SGCD: variants seen among roughly 807,000 people sequenced by gnomAD.
The protein encoded by SGCD is delta-sarcoglycan.
Under a neutral mutation model 36.6 loss-of-function variants are expected in SGCD, and 18 were observed. That is an observed-to-expected ratio of 0.49 (90% CI 0.34 to 0.73). The LOEUF is 0.73. SGCD is among the 30% of genes least tolerant of loss of function. The pLI is 0.01. For missense variants in SGCD, 387 were observed against 346.7 expected (o/e 1.12, Z -0.92); for synonymous variants, 133 against 130.6 (o/e 1.02, Z -0.12).
intron 1 of SGCD, among the ~76,000 whole-genome samples, chr5:156,056,654 A>AAAAAAAAAAAAAAAAAAAAAAAAAAAAC (rs1209421786): frequency 7.3e-6 from 1 of 137,832 alleles, no homozygotes; most frequent in African/African-American, 2.8e-5. Context: ...TTAAAAAAAA[A>AAAAAAAAAAAAAAAAAAAAAAAAAAAAC]AAAAAAAAAA....
At chr5:155,911,013 T>C (rs1466884672) in intron 1 of SGCD, among the ~76,000 whole-genome samples, 1 of 152,122 alleles carries the variant, frequency 6.6e-6, no homozygotes, top group African/African-American at 2.4e-5. Flanking sequence ...GTGACTCTCA[T>C]TTCAAAGACG....
Position 156,727,352 on chromosome 5 carries a change from A to G in SGCD, c.576-30229A>G, listed in dbSNP as rs567193352. On this transcript the variant is annotated intron_variant, in intron 7 of 8. Transcript: ENST00000337851. ...GGAGTTATTTCTAAAGCTGGATTTT[A>G]CAAGGAGTGGGGAAAAGAGGCATAA... is the stretch of plus-strand genomic sequence containing the variant. Among the ~76,000 whole-genome samples, 3 of 152,324 alleles carry G rather than the reference A, an allele frequency of 2.0e-5. No individual in the cohort carries two copies. In the South Asian group the frequency reaches 6.2e-4, roughly 32 times the overall value.
At chr5:156,346,282 ATTTT>A (rs1236084631) in intron 3 of SGCD, among the ~76,000 whole-genome samples, 2 of 151,992 alleles carry the variant, frequency 1.3e-5, no homozygotes, top group Non-Finnish European at 2.9e-5. Flanking sequence ...TTCTAAAAAA[ATTTT>A]TCTTTCTTTA....
intron 3 of SGCD, among the ~76,000 whole-genome samples, chr5:156,280,628 A>AT (rs1399050141): frequency 3.3e-5 from 5 of 152,176 alleles, no homozygotes; most frequent in African/African-American, 4.8e-5. Context: ...TCCACTGGAT[A>AT]TTTACAGTTG....
intron 3 of SGCD, among the ~76,000 whole-genome samples, chr5:156,381,978 GT>G (rs1771008373): frequency 6.6e-6 from 1 of 152,120 alleles, no homozygotes; most frequent in African/African-American, 2.4e-5. Flanking sequence ...GTCAATGTAT[GT>G]TTTTATTATT....
rs563067376 is a variant in SGCD, at chr5:156,332,918, C to G, written c.3+3339C>G. 7.2e-4 allele frequency among the ~76,000 whole-genome samples: 109 copies of G among 152,238 alleles called. 1 individual carries two copies. Among genetic ancestry groups the G allele is most frequent in the African/African-American group, 2.5e-3 (105 of 41,528 alleles). On this transcript the variant is annotated intron_variant, in intron 2 of 8. Transcript: ENST00000337851. ...TTGTAAAACTCATTGGGCTATGTAGCTAATATCTGTTTGTTTTACTAGAAG... is the reference window on the plus strand; with the variant it reads ...TTGTAAAACTCATTGGGCTATGTAGGTAATATCTGTTTGTTTTACTAGAAG...
chr5:156,530,459 C>A (rs1581124042), intron 4 of SGCD, among the ~76,000 whole-genome samples: 1 of 152,164 alleles, frequency 6.6e-6, no homozygotes, highest in South Asian at 2.1e-4. Context: ...AAGCCAAAGT[C>A]TTTCACTTAT....
At chr5:155,996,379 G>A (rs905510346) in intron 1 of SGCD, among the ~76,000 whole-genome samples, 1 of 152,140 alleles carries the variant, frequency 6.6e-6, no homozygotes, top group African/African-American at 2.4e-5. Flanking sequence ...TCAGTGACAA[G>A]AAACGGGTTC....
intron 3 of SGCD, among the ~76,000 whole-genome samples, chr5:156,490,200 C>T (rs983232894): frequency 5.3e-5 from 8 of 151,914 alleles, no homozygotes; most frequent in African/African-American, 1.9e-4. Flanking sequence ...TGAGTAATGA[C>T]ATTGAATCAG....
At chr5:155,829,714 C>T in the SGCD span, among the ~76,000 whole-genome samples, 1 of 152,254 alleles carries the variant, frequency 6.6e-6, no homozygotes, top group South Asian at 2.1e-4. Flanking sequence ...CTTTACGTTT[C>T]CATTGATCAT....
intron 3 of SGCD, among the ~76,000 whole-genome samples, chr5:156,256,787 G>A (rs1232233266): frequency 1.3e-5 from 2 of 152,140 alleles, no homozygotes; most frequent in African/African-American, 4.8e-5. Context: ...TATTGCAGGA[G>A]GTTCTCAAGG....
At position 156,764,325 on chromosome 5, in the gene SGCD, C is replaced by T. The variant is rs1029399512; in HGVS notation, c.*4935C>T. The T allele has an allele frequency of 2.0e-5, 3 of 152,506 alleles. No individual in the cohort carries two copies. The highest frequency in any genetic ancestry group is 2.9e-5 in the Non-Finnish European group (2 of 68,012). 9.4% of individuals were successfully genotyped at this position (152,506 alleles called of 1,614,324 possible). A position where few individuals can be genotyped will look rare whatever the true frequency, so the allele number is the denominator to read the frequency against. The stretch of plus-strand genomic sequence containing the variant: ...GATGCCTCTCTTTCTTTGTGGTAAT[C>T]GGAATTTAAAATTATACAGTTGCCT... On this transcript the variant is annotated 3_prime_UTR_variant, in exon 9 of 9. Transcript: ENST00000337851.
intron 1 of SGCD, among the ~76,000 whole-genome samples, chr5:156,094,106 G>A (rs950450591): frequency 1.3e-5 from 2 of 152,132 alleles, no homozygotes; most frequent in Admixed American, 6.5e-5. Flanking sequence ...CTCCTTCTAG[G>A]TCTGGCTCCT....
chr5:156,570,782 G>T (rs567882071), intron 4 of SGCD, among the ~76,000 whole-genome samples: 1 of 152,150 alleles, frequency 6.6e-6, no homozygotes, highest in South Asian at 2.1e-4. Context: ...TATCTTTCCT[G>T]ATCCTTTCCT....
At chr5:155,912,428 AT>A (rs1034254410) in intron 1 of SGCD, among the ~76,000 whole-genome samples, 1 of 152,086 alleles carries the variant, frequency 6.6e-6, no homozygotes, top group East Asian at 1.9e-4. Context: ...TCTTTTAATG[AT>A]TTGTGCTTCC....
chr5:156,743,693 AAT>A (rs2113100777), intron 7 of SGCD, among the ~76,000 whole-genome samples: 1 of 152,348 alleles, frequency 6.6e-6, no homozygotes, highest in African/African-American at 2.4e-5. Flanking sequence ...TTCTGAGAGA[AAT>A]AGTCTTCAAA....
intron 4 of SGCD, among the ~76,000 whole-genome samples, chr5:156,528,414 C>T (rs746860998): frequency 4.0e-5 from 6 of 151,594 alleles, no homozygotes; most frequent in African/African-American, 9.7e-5. Flanking sequence ...TTTTTGCCAC[C>T]GTCTCCTTAG....
intron 2 of SGCD, among the ~76,000 whole-genome samples, chr5:156,343,549 T>C (rs1327087599): frequency 6.6e-6 from 1 of 152,260 alleles, no homozygotes; most frequent in African/African-American, 2.4e-5. Flanking sequence ...AAATTTGTTT[T>C]GGTTTTAGAA....
At position 156,697,544 on chromosome 5, in the gene SGCD, G is replaced by T. The variant is rs192857859; in HGVS notation, c.575+50008G>T. On this transcript the variant is annotated intron_variant, in intron 7 of 8. Coordinates refer to ENST00000337851, the MANE Select transcript of SGCD (RefSeq NM_000337.6). Reference sequence around the variant, plus strand: ...CAGTTTAAACATGAGCTATTTCTGTGAAGTTCTCCTTCAGCAGCCAAATGT... The same window carrying T: ...CAGTTTAAACATGAGCTATTTCTGTTAAGTTCTCCTTCAGCAGCCAAATGT... Among the ~76,000 whole-genome samples the T allele has an allele frequency of 2.1e-3, 324 of 152,240 alleles. 1 individual carries two copies. The highest frequency in any genetic ancestry group is 7.0e-3 in the African/African-American group (292 of 41,526).
Sources: allele counts gnomAD v4.1 joint callset (sites outside exome capture counted in the v4.1 genomes callset), GRCh38; gene constraint gnomAD v4.1.1; transcripts MANE v1.5; gene names NCBI Gene and HGNC (gene_info 2026-07-23, HGNC 2026-07-21).